Variants in HMCN1 observed in about 807,000 individuals in gnomAD.
HMCN1 encodes hemicentin 1, also known as hemicentin-1.
Under a neutral mutation model 625.9 loss-of-function variants are expected in HMCN1, and 321 were observed. The ratio of observed to expected loss-of-function variants is 0.51; its 90% CI spans 0.47 to 0.56. The LOEUF is 0.56. Ranked by LOEUF, HMCN1 falls within the 20% of genes least tolerant of loss-of-function variation. The pLI is 0.00. For synonymous variants in HMCN1, 2,425 were observed against 2,417.6 expected (o/e 1.00, Z -0.09); for missense variants, 6,588 against 6,887.3 (o/e 0.96, Z 1.54).
At chr1:185,778,139 CT>C (rs886207791) in intron 1 of HMCN1, among the ~76,000 whole-genome samples, 2 of 152,104 alleles carry the variant, frequency 1.3e-5, no homozygotes, top group African/African-American at 4.8e-5. Flanking sequence ...ATAATTAGCC[CT>C]AAGTGTTCAC....
chr1:186,123,330 C>A, intron 81 of HMCN1, 110 bp downstream of exon 81: 1 of 1,317,308 alleles, frequency 7.6e-7, no homozygotes, highest in Non-Finnish European at 1.1e-6. Flanking sequence ...CTCAGTAATC[C>A]AAAGTGTGTG....
Position 186,103,579 on chromosome 1 carries a change from A to G in HMCN1, c.10681A>G (p.Thr3561Ala), listed in dbSNP as rs1416932785. 1 of 1,613,780 alleles carries G rather than the reference A, an allele frequency of 6.2e-7. No individual in the cohort carries two copies. Among genetic ancestry groups the G allele is most frequent in the African/African-American group, 1.3e-5 (1 of 74,890 alleles). The change falls in exon 69 of 107, where the codon ACC (threonine) becomes GCC (alanine). Residue 3561 changes from threonine to alanine, a missense_variant. Thr to Ala is a moderately conservative substitution (Grantham distance 58). Transcript: ENST00000271588. ...TTCTGGAATCCCAGCCCCTAAAATG[A>G]CCTGGATGAAAGATGGCCGGCCCCT... ...IASGIPAPKMTWMKDGRPLPQ... is the reference protein window; with the variant it reads ...IASGIPAPKMAWMKDGRPLPQ...
chr1:186,065,306 A>G lies in HMCN1; in HGVS notation c.7582A>G (p.Ile2528Val), dbSNP rs1658036659. Residue 2528 changes from isoleucine to valine, a missense_variant, in exon 49 of 107, where the codon ATT (isoleucine) becomes GTT (valine). Ile to Val is a conservative substitution (Grantham distance 29). Around this residue, in one of 3 missense-constraint regions of HMCN1, gnomAD observed 4,628 missense variants for 4,853.1 expected, o/e 0.95. Transcript: ENST00000271588. ...QPLQEDEAHHIISGGRFLQIT... is the reference protein window; with the variant it reads ...QPLQEDEAHHVISGGRFLQIT... ...CCTCCAAGAAGATGAAGCCCATCAC[A>G]TTATATCTGGTGGCCGTTTTCTTCA... is the stretch of plus-strand genomic sequence containing the variant. 6.2e-7 allele frequency: 1 copy of G among 1,612,792 alleles called. No individual in the cohort carries two copies. Among genetic ancestry groups the G allele is most frequent in the Non-Finnish European group, 8.5e-7 (1 of 1,179,804 alleles).
intron 8 of HMCN1, among the ~76,000 whole-genome samples, chr1:185,924,753 G>A (rs1667187490): frequency 1.3e-5 from 2 of 151,816 alleles, no homozygotes; most frequent in South Asian, 4.2e-4. Context: ...TGCTTATTTG[G>A]TAGTATTTTT....
intron 4 of HMCN1, among the ~76,000 whole-genome samples, chr1:185,896,213 G>A (rs1262681699): frequency 6.6e-6 from 1 of 152,082 alleles, no homozygotes; most frequent in Non-Finnish European, 1.5e-5. Context: ...TGGGATTATA[G>A]GCATGAGCCA....
intron 97 of HMCN1, among the ~76,000 whole-genome samples, chr1:186,163,779 T>A (rs1651684743): frequency 6.6e-6 from 1 of 152,204 alleles, no homozygotes; most frequent in African/African-American, 2.4e-5. Context: ...GACTGTCTCA[T>A]ACATGGCAAT....
chr1:186,088,358 T>G, intron 62 of HMCN1, 82 bp downstream of exon 62: 1 of 1,598,494 alleles, frequency 6.3e-7, no homozygotes, highest in Non-Finnish European at 8.5e-7. Context: ...CTAGCACATT[T>G]TAAGTACCAT....
chr1:185,848,804 G>C (rs1661991615), intron 2 of HMCN1, among the ~76,000 whole-genome samples: 1 of 150,554 alleles, frequency 6.6e-6, no homozygotes, highest in Non-Finnish European at 1.5e-5. Flanking sequence ...CAGTCCAACT[G>C]TTAGTAAGTG....
intron 11 of HMCN1, among the ~76,000 whole-genome samples, chr1:185,941,475 G>T (rs1668076883): frequency 6.6e-6 from 1 of 152,182 alleles, no homozygotes; most frequent in Non-Finnish European, 1.5e-5. Flanking sequence ...AAAGCTTAAA[G>T]ATCTGGAATT....
chr1:186,147,504 T>C (rs1376471267), intron 93 of HMCN1, among the ~76,000 whole-genome samples: 4 of 145,110 alleles, frequency 2.8e-5, no homozygotes, highest in Non-Finnish European at 5.9e-5. Context: ...TCAGTATTAA[T>C]AATAAAAGTA....
chr1:185,848,143 G>A (rs975647619), intron 2 of HMCN1, among the ~76,000 whole-genome samples: 3 of 151,510 alleles, frequency 2.0e-5, no homozygotes, highest in African/African-American at 7.3e-5. Flanking sequence ...AATGCCAACC[G>A]CATTGTCTAT....
intron 1 of HMCN1, among the ~76,000 whole-genome samples, chr1:185,740,695 G>A (rs1653927019): frequency 7.6e-6 from 1 of 131,932 alleles, no homozygotes; most frequent in Admixed American, 7.7e-5. Flanking sequence ...GGGGTGGGGG[G>A]TAGGGGGATG....
chr1:186,179,836 G>T (rs1652833024), intron 104 of HMCN1, among the ~76,000 whole-genome samples: 1 of 151,798 alleles, frequency 6.6e-6, no homozygotes, highest in Non-Finnish European at 1.5e-5. Flanking sequence ...TGGACTTCTT[G>T]GTCAACCTTA....
At chr1:185,927,587 A>G (rs911768889) in intron 9 of HMCN1, among the ~76,000 whole-genome samples, 3 of 152,144 alleles carry the variant, frequency 2.0e-5, no homozygotes, top group Non-Finnish European at 4.4e-5. Flanking sequence ...TAAGTTCTTC[A>G]TGGTTTTTTG....
In HMCN1 at chr1:185,933,638, G is replaced by A; in HGVS notation, c.1642G>A (p.Asp548Asn). Residue 548 changes from aspartate to asparagine, a missense_variant, in exon 11 of 107, where the codon GAT becomes AAT. Around this residue, in one of 3 missense-constraint regions of HMCN1, gnomAD observed 4,628 missense variants for 4,853.1 expected, o/e 0.95. Coordinates refer to ENST00000271588, the MANE Select transcript of HMCN1 (RefSeq NM_031935.3). Reference protein sequence around the residue: ...VLTCLIISAVDYNLTWQRNDR... With the variant: ...VLTCLIISAVNYNLTWQRNDR... ...AACATGTCTCATCATCAGTGCGGTG[G>A]ATTACAATCTAACCTGGCAGAGGAA... The A allele has an allele frequency of 6.2e-7, 1 of 1,614,058 alleles. No homozygotes were observed. The highest frequency in any genetic ancestry group is 1.1e-5 in the South Asian group (1 of 91,082).
At chr1:186,086,105 A>C in intron 57 of HMCN1, 141 bp from the exon 58 acceptor site, 1 of 751,780 alleles carries the variant, frequency 1.3e-6, no homozygotes, top group Non-Finnish European at 2.2e-6. Context: ...GCATTAGGGA[A>C]TTGTAAGACA....
intron 1 of HMCN1, among the ~76,000 whole-genome samples, chr1:185,843,961 A>G (rs1661649529): frequency 6.6e-6 from 1 of 152,146 alleles, no homozygotes; most frequent in African/African-American, 2.4e-5. Flanking sequence ...ATTTTTTATT[A>G]CTATAGGGAA....
Position 186,016,139 on chromosome 1 carries a change from C to T in HMCN1, c.5091C>T (p.Leu1697=), listed in dbSNP as rs763098500. Residue 1697 remains leucine (L), a synonymous_variant, in exon 32 of 107, where the codon CTC becomes CTT. Coordinates refer to ENST00000271588, the MANE Select transcript of HMCN1 (RefSeq NM_031935.3). ...NIRIEAGGKK[L]EIMSAQEIDR... is the part of the protein sequence containing the mutation. ...GCATAGAAGCTGGTGGGAAGAAACT[C>T]GAAATCATGAGTGCCCAAGAAATTG... 10 of 1,613,172 alleles carry T rather than the reference C, an allele frequency of 6.2e-6. No individual in the cohort carries two copies. In the South Asian group the frequency reaches 7.7e-5, roughly 12 times the overall value.
At chr1:186,043,276 A>G (rs938251557) in intron 40 of HMCN1, among the ~76,000 whole-genome samples, 42 of 152,168 alleles carry the variant, frequency 2.8e-4, no homozygotes, top group African/African-American at 8.0e-4. Context: ...CTGAGGATCT[A>G]AAGGGTAGAA....
Sources: allele counts gnomAD v4.1 joint callset (sites outside exome capture counted in the v4.1 genomes callset), GRCh38; gene constraint gnomAD v4.1.1; regional missense constraint gnomAD v4.1.1; transcripts MANE v1.5; gene names NCBI Gene and HGNC (gene_info 2026-07-23, HGNC 2026-07-21).